Variants in ATP8A2 observed in about 807,000 individuals in gnomAD.
ATP8A2 encodes the protein ATPase phospholipid transporting 8A2, also known as phospholipid-transporting ATPase IB.
ATP8A2 carries 100 observed loss-of-function variants against 165.6 expected under a neutral mutation model. The ratio of observed to expected loss-of-function variants is 0.60; its 90% CI spans 0.51 to 0.71. The LOEUF (loss-of-function observed/expected upper bound fraction) is 0.71. Among genes scored for constraint, ATP8A2 ranks in the 30% least tolerant of loss-of-function variants. The pLI is 0.00. For synonymous variants in ATP8A2, 543 were observed against 548.8 expected (o/e 0.99, Z 0.15); for missense variants, 1,227 against 1,479.5 (o/e 0.83, Z 2.80).
chr13:25,476,381 G>T (rs1325904051), intron 2 of ATP8A2, among the ~76,000 whole-genome samples: 1 of 151,944 alleles, frequency 6.6e-6, no homozygotes, highest in African/African-American at 2.4e-5. Context: ...TTGCCTCCTG[G>T]GTTCAAGCGA....
At position 25,699,164 on chromosome 13, in the gene ATP8A2, T is replaced by C. The variant is rs372386111; in HGVS notation, c.2212-9T>C. Reference sequence around the variant, plus strand: ...AAAAATGTGATTTTCCCCTATACTCTTGTTTCAGGCCACAAGGGCAGCCAT... The same window carrying C: ...AAAAATGTGATTTTCCCCTATACTCCTGTTTCAGGCCACAAGGGCAGCCAT... On this transcript the variant is annotated splice_polypyrimidine_tract_variant and intron_variant, in intron 24 of 36. Transcript: ENST00000381655. The C allele has an allele frequency of 8.5e-5, 130 of 1,529,994 alleles. No individual in the cohort carries two copies. The highest frequency in any genetic ancestry group is 1.0e-4 in the Non-Finnish European group (118 of 1,136,188). 94.8% of individuals were successfully genotyped at this position (1,529,994 alleles called of 1,614,324 possible).
intron 33 of ATP8A2, among the ~76,000 whole-genome samples, chr13:25,948,909 A>T (rs1055375448): frequency 1.1e-4 from 16 of 152,296 alleles, no homozygotes; most frequent in African/African-American, 3.1e-4. Flanking sequence ...GGGGACGCAG[A>T]TGATGCTTTT....
At chr13:25,688,753 C>T (rs1366254460) in intron 24 of ATP8A2, among the ~76,000 whole-genome samples, 6 of 152,232 alleles carry the variant, frequency 3.9e-5, no homozygotes, top group East Asian at 1.9e-4. Flanking sequence ...TCAAGAACCA[C>T]GCCCTGTGGG....
intron 13 of ATP8A2, among the ~76,000 whole-genome samples, chr13:25,557,413 A>G (rs1269498290): frequency 6.6e-6 from 1 of 150,822 alleles, no homozygotes; most frequent in Non-Finnish European, 1.5e-5. Context: ...CATTTCCTTT[A>G]TCTGTTGGTA....
chr13:25,443,720 G>A (rs781512329), intron 1 of ATP8A2, among the ~76,000 whole-genome samples: 1 of 152,040 alleles, frequency 6.6e-6, no homozygotes, highest in Non-Finnish European at 1.5e-5. Flanking sequence ...TAAATTATTT[G>A]TTTATTTTGT....
intron 29 of ATP8A2, among the ~76,000 whole-genome samples, chr13:25,838,698 G>A (rs1406301148): frequency 2.0e-5 from 3 of 151,864 alleles, no homozygotes; most frequent in African/African-American, 7.3e-5. Flanking sequence ...CAAACTATAT[G>A]ATAATTTCCA....
At chr13:25,731,302 AAGAAAAGACCGGAAGG>A (rs2043632641) in intron 25 of ATP8A2, among the ~76,000 whole-genome samples, 1 of 142,428 alleles carries the variant, frequency 7.0e-6, no homozygotes, top group African/African-American at 2.6e-5. Flanking sequence ...GAGAGAAAGA[AAGAAAAGACCGGAAGG>A]AGAGAGAAAG....
At chr13:25,827,237 G>T (rs146841940) in intron 27 of ATP8A2, among the ~76,000 whole-genome samples, 2 of 152,130 alleles carry the variant, frequency 1.3e-5, no homozygotes, top group Admixed American at 1.3e-4. Context: ...AGACCCCCCC[G>T]AGTAGCTGGG....
chr13:25,798,059 G>A (rs1220465099), intron 27 of ATP8A2, among the ~76,000 whole-genome samples: 1 of 151,940 alleles, frequency 6.6e-6, no homozygotes, highest in Admixed American at 6.6e-5. Context: ...TTTTTTTCAA[G>A]AATTCCTTAA....
chr13:25,772,227 G>T (rs2044637062), intron 26 of ATP8A2, among the ~76,000 whole-genome samples: 1 of 152,000 alleles, frequency 6.6e-6, no homozygotes, highest in Non-Finnish European at 1.5e-5. Flanking sequence ...CCTGCCCCCT[G>T]CCCTCCTAAT....
chr13:25,664,503 A>T (rs2042111451), intron 24 of ATP8A2, among the ~76,000 whole-genome samples: 1 of 152,136 alleles, frequency 6.6e-6, no homozygotes, highest in Non-Finnish European at 1.5e-5. Context: ...GAAGTCTGAG[A>T]TAGACTGGCT....
chr13:25,530,098 G>A lies in ATP8A2; in HGVS notation c.321G>A (p.Gln107=), dbSNP rs1413496495. 1.9e-6 allele frequency: 3 copies of A among 1,577,808 alleles called. No individual in the cohort carries two copies. The Admixed American group carries it at 5.1e-5, about 27-fold the overall frequency. ...TCTTTCTCTTCATTGCCTTATTACA[G>A]GTAATGGTTTTTTAACAGTTCCTTG... ...NAFFLFIALL[Q]QIPDVSPTGR... Residue 107 remains glutamine, a splice_region_variant and synonymous_variant, in exon 3 of 37, where the codon CAG becomes CAA. Transcript: ENST00000381655.
At chr13:25,784,332 T>C (rs1199018831) in intron 27 of ATP8A2, among the ~76,000 whole-genome samples, 1 of 152,168 alleles carries the variant, frequency 6.6e-6, no homozygotes, top group African/African-American at 2.4e-5. Context: ...CTGTGCTTCG[T>C]AGCCCGGGTG....
At chr13:25,810,947 T>A (rs1414903160) in intron 27 of ATP8A2, among the ~76,000 whole-genome samples, 1 of 152,206 alleles carries the variant, frequency 6.6e-6, no homozygotes, top group African/African-American at 2.4e-5. Context: ...ATTATGTTTA[T>A]ATTTCGTTTC....
rs544876493 is a variant in ATP8A2 at position 25,686,290 on chromosome 13, C to T, written c.2212-12883C>T. Among the ~76,000 whole-genome samples the T allele has an allele frequency of 5.3e-5, 8 of 152,290 alleles. No individual in the cohort carries two copies. In the South Asian group the frequency reaches 6.2e-4, roughly 12 times the overall value. Reference sequence around the variant, plus strand: ...GGGCTCACAAGGAGCGGATGCGTCACGGGCCTGAGGGGCAGGAACATGATG... The same window carrying T: ...GGGCTCACAAGGAGCGGATGCGTCATGGGCCTGAGGGGCAGGAACATGATG... On this transcript the variant is annotated intron_variant, in intron 24 of 36. Transcript: ENST00000381655.
chr13:25,526,907 A>G (rs1390300725), intron 2 of ATP8A2, among the ~76,000 whole-genome samples: 3 of 151,896 alleles, frequency 2.0e-5, no homozygotes, highest in Non-Finnish European at 4.4e-5. Flanking sequence ...CGTCACCTTG[A>G]TTTTCCTTTT....
At chr13:25,891,449 A>G (rs1205330379) in intron 33 of ATP8A2, among the ~76,000 whole-genome samples, 3 of 151,930 alleles carry the variant, frequency 2.0e-5, no homozygotes, top group Non-Finnish European at 2.9e-5. Flanking sequence ...CAGCCTCCCA[A>G]ACAGCTGGGA....
rs1225063645 is a variant in ATP8A2, at chr13:25,475,089, G to A, written c.221+5968G>A. Among the ~76,000 whole-genome samples the A allele has an allele frequency of 2.0e-5, 3 of 152,156 alleles. No individual in the cohort carries two copies. In the South Asian group the frequency reaches 6.2e-4, roughly 32 times the overall value. On this transcript the variant is annotated intron_variant, in intron 2 of 36. Transcript: ENST00000381655. ...CCCGCCTTGGCCTCCCAAAGTGCTG[G>A]GATTACAGGTGTGGCTCACACCTGT...
At chr13:25,697,810 G>T (rs2042865801) in intron 24 of ATP8A2, among the ~76,000 whole-genome samples, 1 of 152,224 alleles carries the variant, frequency 6.6e-6, no homozygotes, top group African/African-American at 2.4e-5. Context: ...AGAGAGCTTG[G>T]ACTAGAACCC....
Sources: allele counts gnomAD v4.1 joint callset (sites outside exome capture counted in the v4.1 genomes callset), GRCh38; gene constraint gnomAD v4.1.1; transcripts MANE v1.5; gene names NCBI Gene and HGNC (gene_info 2026-07-23, HGNC 2026-07-21).